DPYD: variants seen among roughly 807,000 people sequenced by gnomAD.
DPYD encodes the protein dihydropyrimidine dehydrogenase [NADP(+)].
DPYD carries 109 observed loss-of-function variants against 116.2 expected under a neutral mutation model. The ratio of observed to expected loss-of-function variants is 0.94; its 90% CI spans 0.80 to 1.10. DPYD has a LOEUF of 1.10. DPYD is among the 50% of genes least tolerant of loss of function. The pLI is 0.00. For missense variants in DPYD, 1,302 were observed against 1,254.5 expected, an observed-to-expected ratio of 1.04 and a Z score of -0.57; for synonymous variants, 440 against 432.0, an observed-to-expected ratio of 1.02 and a Z score of -0.23.
intron 5 of DPYD, among the ~76,000 whole-genome samples, chr1:97,700,039 C>T (rs1012245505): frequency 5.3e-5 from 8 of 151,974 alleles, no homozygotes; most frequent in African/African-American, 1.9e-4. Context: ...GACAGATTAA[C>T]TTTGGGAGAA....
At chr1:97,153,268 GAAT>G (rs1275980286) in intron 20 of DPYD, among the ~76,000 whole-genome samples, 2 of 152,130 alleles carry the variant, frequency 1.3e-5, no homozygotes, top group African/African-American at 4.8e-5. Context: ...GGGAAAAAGA[GAAT>G]AACAGCTGCA....
At chr1:97,888,694 A>G (rs1399423784) in intron 1 of DPYD, among the ~76,000 whole-genome samples, 1 of 152,036 alleles carries the variant, frequency 6.6e-6, no homozygotes, top group Non-Finnish European at 1.5e-5. Context: ...CTCATTAACA[A>G]CCAGAGAGAC....
chr1:97,289,093 T>A (rs1386184986), intron 18 of DPYD, among the ~76,000 whole-genome samples: 4 of 152,040 alleles, frequency 2.6e-5, no homozygotes, highest in Non-Finnish European at 4.4e-5. Context: ...CTAGAAGAAA[T>A]GGATAAATTC....
At chr1:97,176,755 T>C (rs1657287551) in intron 20 of DPYD, among the ~76,000 whole-genome samples, 2 of 151,848 alleles carry the variant, frequency 1.3e-5, no homozygotes, top group Non-Finnish European at 2.9e-5. Context: ...AGAGTACAGA[T>C]TTGGAAGATA....
intron 8 of DPYD, among the ~76,000 whole-genome samples, chr1:97,615,409 T>C (rs1433771223): frequency 6.6e-6 from 1 of 152,122 alleles, no homozygotes; most frequent in Non-Finnish European, 1.5e-5. Flanking sequence ...GGGGTGATTC[T>C]GACCTTCATG....
chr1:97,102,367 G>A lies in DPYD; in HGVS notation c.2623-3735C>T, dbSNP rs1485112164. Among the ~76,000 whole-genome samples the A allele has an allele frequency of 1.3e-4, 16 of 121,910 alleles. 1 individual carries two copies. The highest frequency in any genetic ancestry group is 2.4e-4 in the African/African-American group (8 of 33,294). The allele number at this position is 121,910 out of a possible 152,430, so 80.0% of individuals were successfully genotyped here. The stretch of plus-strand genomic sequence containing the variant: ...ATATGTGAAAGATGAAAATATTTCC[G>A]GCTTATATCAGAATATATCACTCAG... On this transcript the variant is annotated intron_variant, in intron 20 of 22. Coordinates refer to ENST00000370192, the MANE Select transcript of DPYD (RefSeq NM_000110.4).
intron 13 of DPYD, among the ~76,000 whole-genome samples, chr1:97,511,617 T>C (rs1647807130): frequency 6.6e-6 from 1 of 151,962 alleles, no homozygotes; most frequent in South Asian, 2.1e-4. Flanking sequence ...GGATGAAATT[T>C]ATGAGAAGGG....
At chr1:97,489,533 T>C (rs1053743761) in intron 13 of DPYD, among the ~76,000 whole-genome samples, 2 of 152,172 alleles carry the variant, frequency 1.3e-5, no homozygotes, top group Non-Finnish European at 2.9e-5. Flanking sequence ...TGGTAGACAA[T>C]ACACATGGTA....
At chr1:97,906,097 C>T (rs1446552513) in intron 1 of DPYD, among the ~76,000 whole-genome samples, 2 of 152,068 alleles carry the variant, frequency 1.3e-5, no homozygotes, top group African/African-American at 4.8e-5. Flanking sequence ...TATACTTACA[C>T]CTGCCTCACA....
intron 2 of DPYD, among the ~76,000 whole-genome samples, chr1:97,861,504 G>T (rs1671115363): frequency 6.6e-6 from 1 of 151,828 alleles, no homozygotes; most frequent in Non-Finnish European, 1.5e-5. Flanking sequence ...ACTGAGGGAA[G>T]ATATTTGCAA....
intron 5 of DPYD, among the ~76,000 whole-genome samples, chr1:97,716,307 TAAG>T (rs141967147): frequency 0.013 from 2,014 of 152,132 alleles, 21 homozygotes; most frequent in Middle Eastern, 0.024. Context: ...TATTAAGGCA[TAAG>T]AATAGTTAAC....
chr1:97,515,826 C>A lies in DPYD; in HGVS notation c.1640G>T (p.Gly547Val), dbSNP rs1453436936. The stretch of plus-strand genomic sequence containing the variant: ...GGTGGCTGGAGTTGCGCTAGCAAGA[C>A]CAAAAGGATTTATAAACTTCAATCC... ...MAGLKFINPF[G>V]LASATPATST... The change falls in exon 13 of 23, where the codon GGT (glycine) becomes GTT (valine). Residue 547 changes from glycine (G) to valine (V), a missense_variant. Physicochemically the swap from Gly to Val is moderately radical, Grantham distance 109. Coordinates refer to ENST00000370192, the MANE Select transcript of DPYD (RefSeq NM_000110.4). 1 of 1,612,828 alleles carries A rather than the reference C, an allele frequency of 6.2e-7. No individual in the cohort carries two copies. The highest frequency in any genetic ancestry group is 1.1e-5 in the South Asian group (1 of 91,062).
At chr1:97,358,478 G>A (rs1670537518) in intron 16 of DPYD, among the ~76,000 whole-genome samples, 1 of 152,226 alleles carries the variant, frequency 6.6e-6, no homozygotes, top group South Asian at 2.1e-4. Context: ...TCTGAGCTCA[G>A]AGAAAGGACA....
intron 5 of DPYD, among the ~76,000 whole-genome samples, chr1:97,702,852 TTA>T (rs1231917745): frequency 1.3e-5 from 2 of 151,970 alleles, no homozygotes; most frequent in Admixed American, 1.3e-4. Flanking sequence ...TTTAAAAAAA[TTA>T]TGAGATGCAA....
intron 16 of DPYD, among the ~76,000 whole-genome samples, chr1:97,329,687 AG>A (rs1484258678): frequency 6.7e-6 from 1 of 149,588 alleles, no homozygotes; most frequent in Non-Finnish European, 1.5e-5. Flanking sequence ...CAGGAGGTGG[AG>A]GTTACAGTGA....
chr1:97,183,107 C>T (rs926220276), intron 20 of DPYD, among the ~76,000 whole-genome samples: 1 of 105,726 alleles, frequency 9.5e-6, no homozygotes, highest in African/African-American at 2.8e-5. Flanking sequence ...TTTTTCCTTT[C>T]CCCAAGGTTA....
intron 12 of DPYD, among the ~76,000 whole-genome samples, chr1:97,542,638 T>C (rs1650536583): frequency 6.6e-6 from 1 of 152,224 alleles, no homozygotes; most frequent in Admixed American, 6.5e-5. Context: ...TGTAACTTGA[T>C]GCTTTTTATT....
intron 13 of DPYD, among the ~76,000 whole-genome samples, chr1:97,483,268 T>C (rs2101885779): frequency 6.6e-6 from 1 of 152,296 alleles, no homozygotes; most frequent in Non-Finnish European, 1.5e-5. Context: ...TTTGGTGCAG[T>C]CCAGTGTTCA....
intron 3 of DPYD, among the ~76,000 whole-genome samples, chr1:97,770,894 A>G (rs1014834103): frequency 1.3e-5 from 2 of 152,228 alleles, no homozygotes; most frequent in African/African-American, 4.8e-5. Context: ...CAATAATATC[A>G]TAAGTATTAT....
Sources: allele counts gnomAD v4.1 joint callset (sites outside exome capture counted in the v4.1 genomes callset), GRCh38; gene constraint gnomAD v4.1.1; transcripts MANE v1.5; gene names NCBI Gene and HGNC (gene_info 2026-07-23, HGNC 2026-07-21).